The following GLRA3 variants were observed in gnomAD, a reference collection of about 807,000 sequenced individuals.
GLRA3 encodes the protein glycine receptor alpha 3.
A neutral mutation model predicts 60.4 loss-of-function variants in GLRA3; 44 were observed. The observed-to-expected ratio is 0.73, with a 90% CI of 0.57 to 0.94. GLRA3 has a LOEUF of 0.94. Ranked by LOEUF, GLRA3 falls within the 40% of genes least tolerant of loss-of-function variation. The probability of loss-of-function intolerance (pLI) is 0.00; values close to 1 mark genes in which losing one functional copy is unlikely to be tolerated. For synonymous variants in GLRA3, 223 were observed against 192.9 expected, an observed-to-expected ratio of 1.16 and a Z score of -1.29; for missense variants, 508 against 564.6, an observed-to-expected ratio of 0.90 and a Z score of 1.02.
intron 2 of GLRA3, among the ~76,000 whole-genome samples, chr4:174,770,123 A>G (rs980159442): frequency 2.0e-5 from 3 of 152,266 alleles, no homozygotes; most frequent in East Asian, 1.9e-4. Flanking sequence ...TTTTCAACCT[A>G]TTCTCTAGAT....
At chr4:174,739,215 G>A (rs761021229) in intron 3 of GLRA3, among the ~76,000 whole-genome samples, 1 of 152,162 alleles carries the variant, frequency 6.6e-6, no homozygotes, top group Non-Finnish European at 1.5e-5. Context: ...CAAGAAGTAG[G>A]TTGCAAGGAT....
chr4:174,670,045 A>G (rs1413929740), intron 7 of GLRA3, among the ~76,000 whole-genome samples: 1 of 152,218 alleles, frequency 6.6e-6, no homozygotes, highest in Non-Finnish European at 1.5e-5. Flanking sequence ...CACTTCAGTA[A>G]CTGGAGTTTT....
intron 7 of GLRA3, among the ~76,000 whole-genome samples, chr4:174,675,332 C>CT (rs530582307): frequency 3.3e-5 from 5 of 152,100 alleles, no homozygotes; most frequent in East Asian, 1.9e-4. Context: ...AGACATTCTT[C>CT]TTTTTTTTAA....
At chr4:174,652,531 T>C (rs755491319) in intron 9 of GLRA3, among the ~76,000 whole-genome samples, 35 of 151,952 alleles carry the variant, frequency 2.3e-4, no homozygotes, top group Non-Finnish European at 4.1e-4. Context: ...ATTTAGCTAC[T>C]GCACAATTCT....
intron 3 of GLRA3, among the ~76,000 whole-genome samples, chr4:174,743,940 C>A (rs1162789915): frequency 6.6e-6 from 1 of 152,152 alleles, no homozygotes; most frequent in African/African-American, 2.4e-5. Flanking sequence ...GCAGCTGCAG[C>A]TGTTGCTGCT....
chr4:174,734,509 T>C (rs1736692901), intron 3 of GLRA3, among the ~76,000 whole-genome samples: 1 of 152,204 alleles, frequency 6.6e-6, no homozygotes. Context: ...TAAGAACTAT[T>C]TAGAGGCTTA....
At chr4:174,708,549 G>A (rs1375590797) in intron 5 of GLRA3, among the ~76,000 whole-genome samples, 1 of 146,260 alleles carries the variant, frequency 6.8e-6, no homozygotes, top group Non-Finnish European at 1.5e-5. Context: ...TCTTCACTGA[G>A]TCATTTTCTT....
At chr4:174,779,584 A>G (rs1215347675) in intron 2 of GLRA3, among the ~76,000 whole-genome samples, 1 of 152,158 alleles carries the variant, frequency 6.6e-6, no homozygotes, top group Non-Finnish European at 1.5e-5. Context: ...AGAAGAATGT[A>G]TAACTAGAAT....
chr4:174,725,683 C>T (rs752351936), intron 4 of GLRA3, among the ~76,000 whole-genome samples: 8 of 152,018 alleles, frequency 5.3e-5, no homozygotes, highest in Non-Finnish European at 1.0e-4. Flanking sequence ...GGTTTTATCA[C>T]GTTGCCTGGG....
At chr4:174,719,090 A>C (rs1299891591) in intron 4 of GLRA3, among the ~76,000 whole-genome samples, 1 of 146,704 alleles carries the variant, frequency 6.8e-6, no homozygotes, top group South Asian at 2.2e-4. Flanking sequence ...CAGCCTCCCG[A>C]GTAGCTGGGA....
At chr4:174,646,365 G>A (rs971887598) in intron 9 of GLRA3, among the ~76,000 whole-genome samples, 5 of 152,204 alleles carry the variant, frequency 3.3e-5, no homozygotes, top group African/African-American at 1.2e-4. Context: ...AGCTGAGGGT[G>A]AGTAAAGAGT....
intron 5 of GLRA3, among the ~76,000 whole-genome samples, chr4:174,701,546 A>G (rs138299618): frequency 6.6e-5 from 10 of 152,314 alleles, no homozygotes; most frequent in African/African-American, 2.4e-4. Context: ...CTTAAGAAAA[A>G]CATTTTGTCC....
chr4:174,670,817 T>C (rs1054092397), intron 7 of GLRA3, among the ~76,000 whole-genome samples: 5 of 152,214 alleles, frequency 3.3e-5, no homozygotes, highest in Middle Eastern at 3.4e-3. Context: ...TAAGATGAAA[T>C]GTAGAACTAG....
chr4:174,675,965 T>A (rs1734101768), intron 7 of GLRA3, among the ~76,000 whole-genome samples: 1 of 152,082 alleles, frequency 6.6e-6, no homozygotes, highest in African/African-American at 2.4e-5. Context: ...GAAGATAGCA[T>A]CAAATGCACA....
chr4:174,806,172 ATTAAGC>A (rs1560810185), intron 1 of GLRA3, among the ~76,000 whole-genome samples: 2 of 152,164 alleles, frequency 1.3e-5, no homozygotes, highest in African/African-American at 4.8e-5. Flanking sequence ...ATTTAAAATA[ATTAAGC>A]TTAAAATTAT....
At chr4:174,815,445 C>A (rs931329356) in intron 1 of GLRA3, among the ~76,000 whole-genome samples, 1 of 152,198 alleles carries the variant, frequency 6.6e-6, no homozygotes, top group Non-Finnish European at 1.5e-5. Context: ...CGTGGGGGCT[C>A]CCACTTCACA....
rs1741101046 is a variant in GLRA3, at chr4:174,829,126, G to A, written c.-315C>T. The A allele has an allele frequency of 4.3e-6, 1 of 231,750 alleles. No homozygotes were observed. The highest frequency in any genetic ancestry group is 2.3e-5 in the African/African-American group (1 of 44,134). The allele number at this position is 231,750 out of a possible 1,614,324, so 14.4% of individuals were successfully genotyped here. On this transcript the variant is annotated 5_prime_UTR_variant, in exon 1 of 10. Coordinates refer to ENST00000274093, the MANE Select transcript of GLRA3 (RefSeq NM_006529.4). Reference sequence around the variant, plus strand: ...AAAGCTCCAGCAGCAAAGGAAGAATGTTCGTTCTTCCCTGACTGAGACCCA... The same window carrying A: ...AAAGCTCCAGCAGCAAAGGAAGAATATTCGTTCTTCCCTGACTGAGACCCA...
In GLRA3 at chr4:174,682,851, C is replaced by T. The variant is rs771515338; in HGVS notation, c.663G>A (p.Leu221=). 3 of 1,612,994 alleles carry T rather than the reference C, an allele frequency of 1.9e-6. No individual in the cohort carries two copies. The highest frequency in any genetic ancestry group is 2.5e-6 in the Non-Finnish European group (3 of 1,179,150). ...ATCGTAAATCTTTTTCTTCTTTCAACAGAAACTGGGGCAAAGTGAGTCCTT... is the reference window on the plus strand; with the variant it reads ...ATCGTAAATCTTTTTCTTCTTTCAATAGAAACTGGGGCAAAGTGAGTCCTT... ...VAEGLTLPQF[L]LKEEKDLRYC... The change falls in exon 6 of 10, where the codon CTG becomes CTA. Residue 221 remains leucine, a synonymous_variant. Transcript: ENST00000274093.
intron 5 of GLRA3, among the ~76,000 whole-genome samples, chr4:174,702,170 C>A (rs1201052619): frequency 2.0e-5 from 3 of 152,150 alleles, no homozygotes; most frequent in African/African-American, 7.2e-5. Flanking sequence ...GTAATTTCCA[C>A]AGCCATGCCA....
Sources: gnomAD v4.1 joint callset for allele counts (sites outside exome capture counted in the v4.1 genomes callset) on GRCh38, gnomAD v4.1.1 for gene constraint, MANE v1.5 for transcripts, NCBI Gene and HGNC (gene_info 2026-07-23, HGNC 2026-07-21) for gene names.